The following RIMS1 variants were observed in gnomAD, a reference collection of about 807,000 sequenced individuals.
RIMS1 encodes the protein regulating synaptic membrane exocytosis protein 1.
A neutral mutation model predicts 214.1 loss-of-function variants in RIMS1; 83 were observed. That is an observed-to-expected ratio of 0.39 (90% confidence interval 0.32 to 0.47). The LOEUF (loss-of-function observed/expected upper bound fraction) is 0.47. Among genes scored for constraint, RIMS1 ranks in the 20% least tolerant of loss-of-function variants. The probability of loss-of-function intolerance (pLI) is 0.99; values close to 1 mark genes in which losing one functional copy is unlikely to be tolerated. For missense variants in RIMS1, 2,050 were observed against 2,161.8 expected (o/e 0.95, Z 1.03); for synonymous variants, 793 against 786.8 (o/e 1.01, Z -0.13).
At chr6:71,929,565 T>C (rs969825051) in intron 1 of RIMS1, among the ~76,000 whole-genome samples, 1 of 151,996 alleles carries the variant, frequency 6.6e-6, no homozygotes, top group Admixed American at 6.6e-5. Context: ...CTGTCTTGTA[T>C]TTAGGCAGGA....
At chr6:72,202,055 TG>T in intron 6 of RIMS1, among the ~76,000 whole-genome samples, 1 of 152,360 alleles carries the variant, frequency 6.6e-6, no homozygotes, top group Non-Finnish European at 1.5e-5. Context: ...CCATCTTCTT[TG>T]TATGTCTTGT....
chr6:72,095,317 G>T (rs1454832731), intron 2 of RIMS1, among the ~76,000 whole-genome samples: 2 of 151,920 alleles, frequency 1.3e-5, no homozygotes, highest in African/African-American at 2.4e-5. Context: ...GTGCCATTTT[G>T]CATGATAACT....
At chr6:72,315,255 C>A (rs193118089) in intron 28 of RIMS1, among the ~76,000 whole-genome samples, 1 of 152,152 alleles carries the variant, frequency 6.6e-6, no homozygotes, top group Non-Finnish European at 1.5e-5. Flanking sequence ...TTCATTGCTT[C>A]GTATGAATTT....
chr6:72,258,385 T>C, intron 17 of RIMS1, 104 bp downstream of exon 17: 1 of 1,235,122 alleles, frequency 8.1e-7, no homozygotes, highest in Non-Finnish European at 1.1e-6. Context: ...TTTGGTCAAA[T>C]TATTTTTTTC....
At chr6:72,094,714 T>C (rs909913648) in intron 2 of RIMS1, among the ~76,000 whole-genome samples, 6 of 152,194 alleles carry the variant, frequency 3.9e-5, no homozygotes, top group African/African-American at 7.2e-5. Context: ...ATATTTACAA[T>C]CTGGCTTTAT....
intron 23 of RIMS1, among the ~76,000 whole-genome samples, chr6:72,276,181 T>A (rs1474276316): frequency 2.0e-5 from 3 of 152,108 alleles, no homozygotes; most frequent in African/African-American, 7.2e-5. Flanking sequence ...TACTACTGCA[T>A]TCCAGCCTGG....
At chr6:71,924,597 C>G (rs560797186) in intron 1 of RIMS1, among the ~76,000 whole-genome samples, 2 of 144,914 alleles carry the variant, frequency 1.4e-5, no homozygotes, top group Middle Eastern at 7.1e-3. Context: ...AATTTGAGAC[C>G]GGACTGGCCA....
intron 8 of RIMS1, among the ~76,000 whole-genome samples, chr6:72,236,887 G>T (rs574310038): frequency 3.9e-5 from 6 of 151,974 alleles, no homozygotes; most frequent in Non-Finnish European, 8.8e-5. Context: ...ACAGCGGGTT[G>T]GACAAGCTTG....
At chr6:71,935,026 TA>T (rs1038480393) in intron 1 of RIMS1, among the ~76,000 whole-genome samples, 40 of 152,240 alleles carry the variant, frequency 2.6e-4, no homozygotes, top group African/African-American at 8.9e-4. Context: ...GCAAGTTGAA[TA>T]AAAAGACAAA....
At chr6:72,247,966 A>T (rs752529144) in intron 11 of RIMS1, 49 bp from the exon 12 acceptor site, 14 of 1,242,868 alleles carry the variant, frequency 1.1e-5, no homozygotes, top group Non-Finnish European at 1.7e-5. Context: ...TTTTATTAAA[A>T]ATATTTCCTA....
intron 9 of RIMS1, among the ~76,000 whole-genome samples, chr6:72,239,063 A>T (rs1033385785): frequency 1.3e-5 from 2 of 152,170 alleles, no homozygotes; most frequent in African/African-American, 4.8e-5. Flanking sequence ...TCAGTAGGAA[A>T]ATAACTCAAT....
intron 1 of RIMS1, among the ~76,000 whole-genome samples, chr6:71,919,455 T>G (rs564590205): frequency 5.2e-4 from 79 of 151,998 alleles, no homozygotes; most frequent in African/African-American, 1.7e-3. Flanking sequence ...GGTTTTGGCA[T>G]ATTGAAATGC....
intron 23 of RIMS1, among the ~76,000 whole-genome samples, chr6:72,275,614 A>G (rs1404912669): frequency 2.6e-5 from 4 of 152,204 alleles, no homozygotes; most frequent in Non-Finnish European, 4.4e-5. Flanking sequence ...GTTTACATTT[A>G]CATATTTGGA....
At chr6:72,237,267 A>C (rs543491881) in intron 8 of RIMS1, among the ~76,000 whole-genome samples, 3 of 151,826 alleles carry the variant, frequency 2.0e-5, no homozygotes, top group South Asian at 4.2e-4. Context: ...GGAGGGAGGA[A>C]GGGAAAGAAA....
chr6:72,290,749 G>C lies in RIMS1; in HGVS notation c.3625G>C (p.Gly1209Arg), dbSNP rs1470544632. 1 of 1,613,652 alleles carries C rather than the reference G, an allele frequency of 6.2e-7. No homozygotes were observed. The highest frequency in any genetic ancestry group is 1.3e-5 in the African/African-American group (1 of 74,884). Residue 1209 changes from glycine (G) to arginine (R), a missense_variant, in exon 25 of 34, where the codon GGA becomes CGA. Physicochemically the swap from Gly to Arg is moderately radical, Grantham distance 125 (BLOSUM62 -2). Around this residue, in one of 6 missense-constraint regions of RIMS1, gnomAD observed 889 missense variants for 885.5 expected, o/e 1.00. Coordinates refer to ENST00000521978, the MANE Select transcript of RIMS1 (RefSeq NM_014989.7). Reference sequence around the variant, plus strand: ...AGCAACTGATCAGCCAGTCATTAGGGGAAAACATCCTGCTCGCTCAAGGTC... The same window carrying C: ...AGCAACTGATCAGCCAGTCATTAGGCGAAAACATCCTGCTCGCTCAAGGTC... ...PRATDQPVIR[G>R]KHPARSRSSE...
chr6:72,128,533 C>T (rs2496547), intron 4 of RIMS1, among the ~76,000 whole-genome samples: 150,005 of 152,310 alleles, frequency 0.98, 73,907 homozygotes, highest in East Asian at 1. Flanking sequence ...TAGCTAACCA[C>T]GAGTGAGTCT....
intron 20 of RIMS1, 53 bp from the exon 21 acceptor site, chr6:72,265,333 GTTGA>G: frequency 1.0e-6 from 1 of 999,738 alleles, no homozygotes; most frequent in East Asian, 2.7e-5. Flanking sequence ...TGTTGTACTT[GTTGA>G]TTTTAATTAT....
intron 4 of RIMS1, among the ~76,000 whole-genome samples, chr6:72,124,694 C>T (rs1412315351): frequency 6.8e-6 from 1 of 147,376 alleles, no homozygotes; most frequent in Non-Finnish European, 1.5e-5. Context: ...TCTTTTTTCT[C>T]CAAACTTCTT....
At chr6:72,226,973 ATTC>A (rs2060381793) in intron 6 of RIMS1, among the ~76,000 whole-genome samples, 1 of 152,042 alleles carries the variant, frequency 6.6e-6, no homozygotes, top group Non-Finnish European at 1.5e-5. Flanking sequence ...GAAAGGCACT[ATTC>A]TTATTTTGTA....
Sources: allele counts gnomAD v4.1 joint callset (sites outside exome capture counted in the v4.1 genomes callset), GRCh38; gene constraint gnomAD v4.1.1; regional missense constraint gnomAD v4.1.1; transcripts MANE v1.5; gene names NCBI Gene and HGNC (gene_info 2026-07-23, HGNC 2026-07-21).